TYW1B: variants seen among roughly 807,000 people sequenced by gnomAD.
The protein encoded by TYW1B is S-adenosyl-L-methionine-dependent tRNA 4-demethylwyosine synthase TYW1B.
A neutral mutation model predicts 86.9 loss-of-function variants in TYW1B; 73 were observed. That is an observed-to-expected ratio of 0.84 (90% CI 0.70 to 1.02). TYW1B has a LOEUF of 1.02. TYW1B is among the 50% of genes least tolerant of loss of function. The probability of loss-of-function intolerance (pLI) is 0.00; values close to 1 mark genes in which losing one functional copy is unlikely to be tolerated. For missense variants in TYW1B, 637 were observed against 827.4 expected (o/e 0.77, Z 2.82); for synonymous variants, 248 against 292.8 (o/e 0.85, Z 1.56).
intron 11 of TYW1B, among the ~76,000 whole-genome samples, chr7:72,671,780 T>G (rs1172599734): frequency 6.6e-6 from 1 of 152,104 alleles, no homozygotes; most frequent in Non-Finnish European, 1.5e-5. Flanking sequence ...TTAAACTTTT[T>G]TTAAAAGTGT....
intron 5 of TYW1B, 98 bp downstream of exon 5, chr7:72,806,968 C>T (rs1788507041): frequency 2.0e-6 from 3 of 1,480,780 alleles, no homozygotes. Flanking sequence ...TTCCTTCTAA[C>T]CAGAAGCCAA....
At position 72,749,710 on chromosome 7, in the gene TYW1B, C is replaced by T. The variant is rs373539539; in HGVS notation, c.965-5109G>A. 2.5e-4 allele frequency among the ~76,000 whole-genome samples: 37 copies of T among 150,138 alleles called. 1 individual carries two copies. In the South Asian group the frequency reaches 7.1e-3, roughly 29 times the overall value. On this transcript the variant is annotated intron_variant, in intron 7 of 13. Coordinates refer to ENST00000620995, the MANE Select transcript of TYW1B (RefSeq NM_001145440.3). ...CAGTTTCATTGATTTCTATTCTTCACTTCCTTCCATTTTCTTTTTTTTTTT... is the reference window on the plus strand; with the variant it reads ...CAGTTTCATTGATTTCTATTCTTCATTTCCTTCCATTTTCTTTTTTTTTTT...
chr7:72,615,871 A>T (rs1205290436), intron 13 of TYW1B, among the ~76,000 whole-genome samples: 1 of 152,132 alleles, frequency 6.6e-6, no homozygotes, highest in Non-Finnish European at 1.5e-5. Flanking sequence ...GAACTGGAAG[A>T]TGAATCAATA....
At chr7:72,808,171 G>A (rs1240149283) in intron 4 of TYW1B, among the ~76,000 whole-genome samples, 2 of 152,064 alleles carry the variant, frequency 1.3e-5, no homozygotes, top group Admixed American at 1.3e-4. Context: ...TATGGGGAGA[G>A]GCCAGATGCA....
chr7:72,611,096 C>T (rs1463564707), intron 13 of TYW1B, among the ~76,000 whole-genome samples: 1 of 152,034 alleles, frequency 6.6e-6, no homozygotes, highest in Non-Finnish European at 1.5e-5. Context: ...TCTGCTTGTT[C>T]TGTTTCTGCT....
chr7:72,598,051 C>A (rs1365209520), intron 13 of TYW1B, among the ~76,000 whole-genome samples: 1 of 152,184 alleles, frequency 6.6e-6, no homozygotes, highest in Non-Finnish European at 1.5e-5. Flanking sequence ...TTGAAGGACA[C>A]AAAGTATTAA....
chr7:72,719,282 G>A (rs1786848142), intron 9 of TYW1B, among the ~76,000 whole-genome samples: 1 of 151,858 alleles, frequency 6.6e-6, no homozygotes, highest in Non-Finnish European at 1.5e-5. Flanking sequence ...TCAGGTGCTA[G>A]GACCACAAGC....
chr7:72,692,260 A>G (rs1814188189), intron 11 of TYW1B, among the ~76,000 whole-genome samples: 1 of 151,700 alleles, frequency 6.6e-6, no homozygotes, highest in African/African-American at 2.4e-5. Flanking sequence ...AACATTTATC[A>G]GGACTGGAGC....
chr7:72,813,210 T>C (rs1174819094), intron 3 of TYW1B, among the ~76,000 whole-genome samples: 7 of 150,162 alleles, frequency 4.7e-5, no homozygotes, highest in Non-Finnish European at 8.9e-5. Flanking sequence ...AGATTTGCTT[T>C]TGTCGCCCAG....
At chr7:72,820,967 T>G (rs1200741023) in intron 2 of TYW1B, among the ~76,000 whole-genome samples, 1 of 152,024 alleles carries the variant, frequency 6.6e-6, no homozygotes, top group Non-Finnish European at 1.5e-5. Flanking sequence ...TTCGCACACT[T>G]AGATTTTTTT....
At position 72,652,406 on chromosome 7, in the gene TYW1B, A is replaced by AT. The variant is rs1312855705; in HGVS notation, c.1507-23410dup. ...AAAAAAAAAAAAAAAAAAAAAAAAA[A>AT]TTTTTGTGACATTGTTACAATGGAA... On this transcript the variant is annotated intron_variant, in intron 11 of 13. Coordinates refer to ENST00000620995, the MANE Select transcript of TYW1B (RefSeq NM_001145440.3). Among the ~76,000 whole-genome samples the AT allele has an allele frequency of 1.3e-4, 20 of 149,132 alleles. 1 individual carries two copies. Among genetic ancestry groups the AT allele is most frequent in the Admixed American group, 4.7e-4 (7 of 14,900 alleles).
Position 72,794,697 on chromosome 7 carries a change from A to T in TYW1B, c.846+7703T>A, listed in dbSNP as rs1190086013. Among the ~76,000 whole-genome samples the T allele has an allele frequency of 5.3e-5, 8 of 152,302 alleles. No individual in the cohort carries two copies. In the East Asian group the frequency reaches 1.2e-3, roughly 22 times the overall value. On this transcript the variant is annotated intron_variant, in intron 6 of 13. Transcript: ENST00000620995. The stretch of plus-strand genomic sequence containing the variant: ...CTTGCCAGGGAGATGGTCATGGAAG[A>T]TATCTCCAAAGAAGCCATGAAAACA...
chr7:72,754,394 G>A (rs2129571551), intron 7 of TYW1B, among the ~76,000 whole-genome samples: 1 of 151,168 alleles, frequency 6.6e-6, no homozygotes, highest in East Asian at 2.0e-4. Flanking sequence ...GCCCACCTCG[G>A]CCTCCCACAG....
chr7:72,803,463 C>T (rs1399428098), intron 5 of TYW1B, among the ~76,000 whole-genome samples: 2 of 152,138 alleles, frequency 1.3e-5, no homozygotes, highest in African/African-American at 4.8e-5. Context: ...TTCATTTCAT[C>T]CTTAACTACT....
At chr7:72,686,442 A>G (rs1162394264) in intron 11 of TYW1B, among the ~76,000 whole-genome samples, 1 of 152,234 alleles carries the variant, frequency 6.6e-6, no homozygotes, top group Non-Finnish European at 1.5e-5. Flanking sequence ...TAAGTGAAAG[A>G]AGCAAATCTG....
chr7:72,753,974 G>A (rs1427002066), intron 7 of TYW1B, among the ~76,000 whole-genome samples: 2 of 152,014 alleles, frequency 1.3e-5, no homozygotes, highest in Non-Finnish European at 2.9e-5. Context: ...CAGTGGTCTG[G>A]AACGAAACCT....
chr7:72,686,750 A>G (rs1814015345), intron 11 of TYW1B, among the ~76,000 whole-genome samples: 1 of 152,164 alleles, frequency 6.6e-6, no homozygotes, highest in Non-Finnish European at 1.5e-5. Flanking sequence ...GTTATAATAA[A>G]TGTGCCACTC....
chr7:72,632,413 A>ATATATATATAATATATATATACG lies in TYW1B; in HGVS notation c.1507-3417_1507-3416insCGTATATATATATTATATATATA, dbSNP rs1563038821. On this transcript the variant is annotated intron_variant, in intron 11 of 13. Coordinates refer to ENST00000620995, the MANE Select transcript of TYW1B (RefSeq NM_001145440.3). ...GTATATATATATAATATATATATAC[A>ATATATATATAATATATATATACG]TATATATATAAAATATATATATACG... 2.4e-4 allele frequency among the ~76,000 whole-genome samples: 20 copies of ATATATATATAATATATATATACG among 84,200 alleles called. 1 individual carries two copies. In the East Asian group the frequency reaches 3.1e-3, roughly 13 times the overall value. 55.2% of individuals were successfully genotyped at this position (84,200 alleles called of 152,430 possible).
In TYW1B at chr7:72,792,326, C is replaced by CA. The variant is rs1394879417; in HGVS notation, c.846+10073dup. On this transcript the variant is annotated intron_variant, in intron 6 of 13. Coordinates refer to ENST00000620995, the MANE Select transcript of TYW1B (RefSeq NM_001145440.3). ...TGGGCAACAGAGCAAGACTCCATCT[C>CA]AAAAAAAAAAAGAAAGAAATGTTTC... Among the ~76,000 whole-genome samples, 547 of 114,724 alleles carry CA rather than the reference C, an allele frequency of 4.8e-3. 5 individuals carry two copies. The highest frequency in any genetic ancestry group is 0.012 in the African/African-American group (384 of 30,888). The allele number at this position is 114,724 out of a possible 152,430, so 75.3% of individuals were successfully genotyped here. A position where few individuals can be genotyped will look rare whatever the true frequency, so the allele number is the denominator to read the frequency against.
Sources: allele counts gnomAD v4.1 joint callset (sites outside exome capture counted in the v4.1 genomes callset), GRCh38; gene constraint gnomAD v4.1.1; transcripts MANE v1.5; gene names NCBI Gene and HGNC (gene_info 2026-07-23, HGNC 2026-07-21).